The following ROBO2 variants were observed in gnomAD, a reference collection of about 807,000 sequenced individuals.
The protein encoded by ROBO2 is roundabout homolog 2.
ROBO2 carries 53 observed loss-of-function variants against 160.8 expected under a neutral mutation model. The observed-to-expected ratio is 0.33, with a 90% CI of 0.26 to 0.41. The LOEUF is 0.41. ROBO2 is among the 10% of genes least tolerant of loss of function. The pLI, the probability that ROBO2 is intolerant of heterozygous loss-of-function variation, is 1.00. For missense variants in ROBO2, 1,577 were observed against 1,722.4 expected, an observed-to-expected ratio of 0.92 and a Z score of 1.49; for synonymous variants, 664 against 611.7, an observed-to-expected ratio of 1.09 and a Z score of -1.26.
intron 1 of ROBO2, among the ~76,000 whole-genome samples, chr3:75,926,289 G>T (rs1428283673): frequency 6.6e-6 from 1 of 152,174 alleles, no homozygotes; most frequent in Admixed American, 6.5e-5. Context: ...GTGCAGGTTT[G>T]TTACAGAGGT....
intron 2 of ROBO2, among the ~76,000 whole-genome samples, chr3:75,970,053 G>A (rs2064950121): frequency 6.6e-6 from 1 of 151,356 alleles, no homozygotes; most frequent in South Asian, 2.1e-4. Flanking sequence ...CCTTGAGTTG[G>A]TTTTGTGTAC....
chr3:77,370,971 G>T (rs1003953109), intron 2 of ROBO2, among the ~76,000 whole-genome samples: 1 of 152,120 alleles, frequency 6.6e-6, no homozygotes, highest in African/African-American at 2.4e-5. Context: ...TGCAGTTGTC[G>T]TATAGTTCGG....
chr3:77,132,820 G>A (rs1056213094), intron 2 of ROBO2, among the ~76,000 whole-genome samples: 3 of 152,004 alleles, frequency 2.0e-5, no homozygotes, highest in African/African-American at 7.2e-5. Flanking sequence ...AACCGTGTGT[G>A]GTAAGTTTAC....
chr3:76,160,328 G>T (rs1237043712), intron 2 of ROBO2, among the ~76,000 whole-genome samples: 3 of 152,012 alleles, frequency 2.0e-5, no homozygotes, highest in South Asian at 2.1e-4. Context: ...TGATCCATCT[G>T]GTTTCAATAG....
chr3:76,767,349 G>A (rs1338692960), intron 2 of ROBO2, among the ~76,000 whole-genome samples: 1 of 151,584 alleles, frequency 6.6e-6, no homozygotes, highest in African/African-American at 2.4e-5. Context: ...GATCAGAGGG[G>A]TTAGCCTGCC....
chr3:77,029,928 A>G (rs1314640635), intron 2 of ROBO2, among the ~76,000 whole-genome samples: 3 of 151,956 alleles, frequency 2.0e-5, no homozygotes, highest in East Asian at 1.9e-4. Context: ...CGAAAAGATT[A>G]TCATAAAAAT....
intron 2 of ROBO2, among the ~76,000 whole-genome samples, chr3:76,014,171 G>T (rs978480515): frequency 6.7e-6 from 1 of 149,732 alleles, no homozygotes; most frequent in Non-Finnish European, 1.5e-5. Context: ...GGCAATTGGC[G>T]ACTGGGCACG....
intron 2 of ROBO2, among the ~76,000 whole-genome samples, chr3:76,117,447 C>T (rs1576926684): frequency 6.6e-6 from 1 of 152,014 alleles, no homozygotes; most frequent in African/African-American, 2.4e-5. Context: ...GTTACTGTTT[C>T]CAACAGAAAT....
At chr3:77,402,309 A>G (rs1161660123) in intron 2 of ROBO2, among the ~76,000 whole-genome samples, 1 of 152,106 alleles carries the variant, frequency 6.6e-6, no homozygotes, top group Non-Finnish European at 1.5e-5. Context: ...GGGGAGGGAT[A>G]GCATTAGGAG....
chr3:76,452,266 T>C (rs886104330), intron 2 of ROBO2, among the ~76,000 whole-genome samples: 1 of 152,102 alleles, frequency 6.6e-6, no homozygotes, highest in Non-Finnish European at 1.5e-5. Context: ...CATGCTGGTG[T>C]GCTGCACCAA....
At chr3:77,641,200 T>C (rs774237932) in intron 24 of ROBO2, among the ~76,000 whole-genome samples, 19 of 152,320 alleles carry the variant, frequency 1.2e-4, no homozygotes, top group Non-Finnish European at 2.5e-4. Flanking sequence ...GGAAAAATAT[T>C]CCAAATGCAA....
intron 2 of ROBO2, among the ~76,000 whole-genome samples, chr3:77,426,038 T>C (rs1313387475): frequency 2.6e-5 from 4 of 152,114 alleles, no homozygotes; most frequent in African/African-American, 9.7e-5. Flanking sequence ...CAGTTCATAT[T>C]TTCTAAAGAT....
intron 2 of ROBO2, among the ~76,000 whole-genome samples, chr3:76,039,195 G>GAAA (rs2067207426): frequency 6.6e-6 from 1 of 151,984 alleles, no homozygotes; most frequent in East Asian, 1.9e-4. Flanking sequence ...TCCTGTCTTG[G>GAAA]CTTTTGTTTG....
At chr3:76,487,799 C>T (rs2079580443) in intron 2 of ROBO2, among the ~76,000 whole-genome samples, 1 of 152,132 alleles carries the variant, frequency 6.6e-6, no homozygotes, top group African/African-American at 2.4e-5. Flanking sequence ...GACTGAATTC[C>T]CCATTTTCTT....
At chr3:77,523,851 A>T (rs573082839) in intron 6 of ROBO2, among the ~76,000 whole-genome samples, 1 of 151,446 alleles carries the variant, frequency 6.6e-6, no homozygotes, top group East Asian at 2.0e-4. Flanking sequence ...TCCAAGTCTC[A>T]GTTACATCTT....
chr3:75,945,952 A>G (rs1948274592), intron 2 of ROBO2, among the ~76,000 whole-genome samples: 1 of 152,108 alleles, frequency 6.6e-6, no homozygotes, highest in African/African-American at 2.4e-5. Flanking sequence ...TTTTATCTCT[A>G]CAGTCAAGAT....
chr3:76,474,175 A>G (rs12497864), intron 2 of ROBO2, among the ~76,000 whole-genome samples: 31,977 of 152,100 alleles, frequency 0.21, 3,609 homozygotes, highest in Admixed American at 0.3. Context: ...TAATAGGGTG[A>G]TTAATTTCAT....
rs1019146966 is a variant in ROBO2, at chr3:76,678,754, G to A, written c.110-419260G>A. Among the ~76,000 whole-genome samples the A allele has an allele frequency of 4.6e-5, 7 of 152,148 alleles. No homozygotes were observed. The South Asian group carries it at 6.2e-4, about 14-fold the overall frequency. ...CTTAGGTGGAAATTTTTGCTCAGCC[G>A]CTAATATTGGTATGAAATTGAACAA... On this transcript the variant is annotated intron_variant, in intron 2 of 26. Transcript: ENST00000487694.
chr3:76,856,813 CT>C (rs1404288714), intron 2 of ROBO2, among the ~76,000 whole-genome samples: 7 of 152,092 alleles, frequency 4.6e-5, no homozygotes, highest in Non-Finnish European at 8.8e-5. Flanking sequence ...ATAAACAACC[CT>C]GTATTAGCAG....
Sources: allele counts gnomAD v4.1 joint callset (sites outside exome capture counted in the v4.1 genomes callset), GRCh38; gene constraint gnomAD v4.1.1; transcripts MANE v1.5; gene names NCBI Gene and HGNC (gene_info 2026-07-23, HGNC 2026-07-21).